ANO4: variants seen among roughly 807,000 people sequenced by gnomAD.
ANO4 encodes anoctamin 4, also known as anoctamin-4.
Under a neutral mutation model 141.9 loss-of-function variants are expected in ANO4, and 69 were observed. That is an observed-to-expected ratio of 0.49 (90% confidence interval 0.40 to 0.59). The LOEUF is 0.59. ANO4 is among the 20% of genes least tolerant of loss of function. The pLI, the probability that ANO4 is intolerant of heterozygous loss-of-function variation, is 0.00. For missense variants in ANO4, 894 were observed against 1,162.2 expected, an observed-to-expected ratio of 0.77 and a Z score of 3.36; for synonymous variants, 350 against 394.3, an observed-to-expected ratio of 0.89 and a Z score of 1.33.
intron 15 of ANO4, among the ~76,000 whole-genome samples, chr12:101,081,132 C>T (rs1469999222): frequency 1.3e-5 from 2 of 151,270 alleles, no homozygotes; most frequent in East Asian, 3.9e-4. Context: ...TTCAGAAATT[C>T]CTCTTGTGTG....
At chr12:100,817,918 A>G (rs971084444) in intron 1 of ANO4, among the ~76,000 whole-genome samples, 1 of 151,812 alleles carries the variant, frequency 6.6e-6, no homozygotes, top group Admixed American at 6.6e-5. Context: ...TCTTTTTTGC[A>G]TAATCATGCC....
intron 1 of ANO4, among the ~76,000 whole-genome samples, chr12:100,869,315 T>C (rs1478891560): frequency 1.3e-5 from 2 of 152,198 alleles, no homozygotes; most frequent in Non-Finnish European, 2.9e-5. Flanking sequence ...CTCATATTTC[T>C]CCCTCTGAGC....
intron 7 of ANO4, among the ~76,000 whole-genome samples, chr12:100,985,715 T>C (rs1235098510): frequency 6.6e-6 from 1 of 152,154 alleles, no homozygotes; most frequent in Non-Finnish European, 1.5e-5. Flanking sequence ...TTTGACCCTT[T>C]GGGAGTTCTG....
chr12:100,967,595 A>T (rs1451680416), intron 5 of ANO4, among the ~76,000 whole-genome samples: 2 of 151,918 alleles, frequency 1.3e-5, no homozygotes, highest in African/African-American at 2.4e-5. Context: ...ACACACACAC[A>T]CACACACACA....
intron 5 of ANO4, among the ~76,000 whole-genome samples, chr12:100,959,325 A>G (rs2043305797): frequency 6.6e-6 from 1 of 151,908 alleles, no homozygotes; most frequent in African/African-American, 2.4e-5. Context: ...GTCTTCCTCT[A>G]TCTCTCCTGC....
chr12:100,850,619 A>G (rs2135848488), intron 1 of ANO4, among the ~76,000 whole-genome samples: 1 of 152,290 alleles, frequency 6.6e-6, no homozygotes, highest in East Asian at 1.9e-4. Flanking sequence ...GATCATGAAC[A>G]CCACACTTTA....
chr12:100,781,739 C>A (rs578068427), intron 3 of ANO4, among the ~76,000 whole-genome samples: 11 of 152,202 alleles, frequency 7.2e-5, no homozygotes, highest in African/African-American at 2.6e-4. Flanking sequence ...TTCATTATCC[C>A]CTGCCATGGA....
At chr12:100,743,368 A>G (rs2031959823) in intron 3 of ANO4, among the ~76,000 whole-genome samples, 1 of 151,858 alleles carries the variant, frequency 6.6e-6, no homozygotes. Flanking sequence ...TGAGACAACC[A>G]TAGGAGGAAA....
At chr12:101,064,773 A>G (rs1197511886) in intron 14 of ANO4, among the ~76,000 whole-genome samples, 1 of 151,898 alleles carries the variant, frequency 6.6e-6, no homozygotes, top group Admixed American at 6.6e-5. Context: ...ACGGTCCAAA[A>G]ATATTAAATG....
intron 1 of ANO4, among the ~76,000 whole-genome samples, chr12:100,799,739 C>CA (rs1217914313): frequency 5.3e-5 from 8 of 151,750 alleles, no homozygotes; most frequent in South Asian, 2.1e-4. Context: ...GACTCCGTCT[C>CA]AAAAAAAACC....
At chr12:100,725,208 C>T (rs2031054729) in intron 1 of ANO4, among the ~76,000 whole-genome samples, 1 of 152,008 alleles carries the variant, frequency 6.6e-6, no homozygotes, top group Admixed American at 6.6e-5. Flanking sequence ...TAATGAAAAC[C>T]TTTTCTTTGT....
intron 14 of ANO4, among the ~76,000 whole-genome samples, chr12:101,058,175 A>T (rs1288120682): frequency 1.3e-5 from 2 of 151,944 alleles, no homozygotes; most frequent in East Asian, 3.9e-4. Context: ...TGGTTGTAGA[A>T]ATGTGGCGTT....
chr12:100,776,694 C>G (rs929257192), intron 3 of ANO4, among the ~76,000 whole-genome samples: 1 of 152,168 alleles, frequency 6.6e-6, no homozygotes, highest in African/African-American at 2.4e-5. Flanking sequence ...TCTCCTTCAC[C>G]TTTAGGGCCC....
At chr12:101,013,520 A>G (rs1480883094) in intron 8 of ANO4, among the ~76,000 whole-genome samples, 2 of 152,122 alleles carry the variant, frequency 1.3e-5, no homozygotes, top group African/African-American at 2.4e-5. Context: ...AATCAAGGGG[A>G]GATGCAGGGT....
intron 1 of ANO4, among the ~76,000 whole-genome samples, chr12:100,893,396 A>G (rs777738215): frequency 1.3e-5 from 2 of 151,906 alleles, no homozygotes; most frequent in African/African-American, 4.8e-5. Flanking sequence ...ACCCAGAAAC[A>G]TTTGTCTTTT....
At chr12:101,126,192 A>G (rs2051307117) in intron 26 of ANO4, among the ~76,000 whole-genome samples, 1 of 152,238 alleles carries the variant, frequency 6.6e-6, no homozygotes, top group African/African-American at 2.4e-5. Context: ...AATACTTAGC[A>G]GTATCATTTG....
At chr12:101,047,168 G>GA (rs1346820075) in intron 13 of ANO4, among the ~76,000 whole-genome samples, 1 of 152,158 alleles carries the variant, frequency 6.6e-6, no homozygotes, top group East Asian at 1.9e-4. Flanking sequence ...AAAATCACTT[G>GA]AACCCAGGAG....
intron 8 of ANO4, among the ~76,000 whole-genome samples, chr12:101,019,630 A>C (rs1459969270): frequency 1.3e-5 from 2 of 152,178 alleles, no homozygotes; most frequent in African/African-American, 2.4e-5. Context: ...TTTATATCTT[A>C]AAATTTCTGA....
intron 3 of ANO4, among the ~76,000 whole-genome samples, chr12:100,768,186 T>C (rs534125067): frequency 2.9e-4 from 44 of 152,338 alleles, no homozygotes; most frequent in African/African-American, 9.4e-4. Context: ...CCATAGGGGC[T>C]GGCCTGGTGC....
Sources: allele counts gnomAD v4.1 joint callset (sites outside exome capture counted in the v4.1 genomes callset), GRCh38; gene constraint gnomAD v4.1.1; transcripts MANE v1.5; gene names NCBI Gene and HGNC (gene_info 2026-07-23, HGNC 2026-07-21).